The following SYNE1 variants were observed in gnomAD, a reference collection of about 807,000 sequenced individuals.
SYNE1 encodes the protein nesprin-1.
Under a neutral mutation model 1,111.0 loss-of-function variants are expected in SYNE1, and 616 were observed. The observed-to-expected ratio is 0.55, with a 90% CI of 0.52 to 0.59. The LOEUF is 0.59. Among genes scored for constraint, SYNE1 ranks in the 20% least tolerant of loss-of-function variants. The probability of loss-of-function intolerance (pLI) is 0.00; values close to 1 mark genes in which losing one functional copy is unlikely to be tolerated. For missense variants in SYNE1, 10,006 were observed against 10,417.0 expected (o/e 0.96, Z 1.72); for synonymous variants, 3,855 against 3,825.8 (o/e 1.01, Z -0.28).
intron 7 of SYNE1, 60 bp downstream of exon 7, chr6:152,510,951 G>A: frequency 2.8e-6 from 4 of 1,447,644 alleles, no homozygotes; most frequent in Non-Finnish European, 2.9e-6. Context: ...TATTAAAATG[G>A]CCACCATGAT....
intron 63 of SYNE1, 61 bp from the exon 64 acceptor site, chr6:152,362,384 C>A: frequency 6.2e-7 from 1 of 1,607,858 alleles, no homozygotes; most frequent in South Asian, 1.1e-5. Flanking sequence ...TCTAAAATGT[C>A]ATTGTGTCTG....
chr6:152,238,973 A>G (rs931903255), intron 108 of SYNE1, among the ~76,000 whole-genome samples: 2 of 150,350 alleles, frequency 1.3e-5, no homozygotes, highest in Admixed American at 1.3e-4. Context: ...ACCTTGGCTC[A>G]CTGCAACCAC....
chr6:152,179,673 C>CA (rs2067401195), intron 129 of SYNE1, among the ~76,000 whole-genome samples: 3 of 55,104 alleles, frequency 5.4e-5, no homozygotes, highest in Non-Finnish European at 9.4e-5. Context: ...GCTGGATATC[C>CA]TTTTTTTTTT....
intron 8 of SYNE1, 130 bp from the exon 9 acceptor site, chr6:152,505,527 G>A: frequency 1.9e-6 from 2 of 1,065,554 alleles, no homozygotes; most frequent in Admixed American, 5.1e-5. Flanking sequence ...CATTGTATTT[G>A]AGAAAAATTA....
intron 49 of SYNE1, among the ~76,000 whole-genome samples, chr6:152,397,338 C>G (rs1304936384): frequency 1.3e-5 from 2 of 152,244 alleles, no homozygotes; most frequent in Non-Finnish European, 2.9e-5. Flanking sequence ...AGCCCCTCCC[C>G]TGATCCACCC....
In SYNE1 at chr6:152,180,064, C is replaced by A. The variant is rs1464555693; in HGVS notation, c.23460+72G>T. The A allele has an allele frequency of 2.0e-6, 3 of 1,522,284 alleles. No individual in the cohort carries two copies. In the East Asian group the frequency reaches 6.8e-5, roughly 34 times the overall value. 94.3% of individuals were successfully genotyped at this position (1,522,284 alleles called of 1,614,324 possible). A position where few individuals can be genotyped will look rare whatever the true frequency, so the allele number is the denominator to read the frequency against. On this transcript the variant is annotated intron_variant, in intron 129 of 145. Coordinates refer to ENST00000367255, the MANE Select transcript of SYNE1 (RefSeq NM_182961.4). ...AGGAAAGTAATTGTGAGTAAAGCCA[C>A]CTTCTGTACCTGTGAAAAGTACACA...
intron 2 of SYNE1, among the ~76,000 whole-genome samples, chr6:152,630,880 A>G (rs2099696764): frequency 6.6e-6 from 1 of 152,226 alleles, no homozygotes; most frequent in African/African-American, 2.4e-5. Context: ...TTGGTAGATT[A>G]ATCTGAAATA....
At chr6:152,214,803 A>C in intron 122 of SYNE1, 103 bp downstream of exon 122, 1 of 1,492,682 alleles carries the variant, frequency 6.7e-7, no homozygotes, top group Non-Finnish European at 9.3e-7. Context: ...ACTGTTCAAC[A>C]TTTCTGTTCT....
chr6:152,599,272 T>C (rs563486139), intron 3 of SYNE1, among the ~76,000 whole-genome samples: 1 of 152,332 alleles, frequency 6.6e-6, no homozygotes, highest in Non-Finnish European at 1.5e-5. Flanking sequence ...GCTGCTCTAG[T>C]AAGTGCTTGG....
At chr6:152,405,215 C>T (rs557000813) in intron 45 of SYNE1, among the ~76,000 whole-genome samples, 1 of 152,334 alleles carries the variant, frequency 6.6e-6, no homozygotes, top group South Asian at 2.1e-4. Context: ...CAGTGGGTAA[C>T]ATAAAGAACC....
Position 152,387,265 on chromosome 6 carries a change from C to T in SYNE1, c.8294G>A (p.Gly2765Asp), listed in dbSNP as rs2097538644. Residue 2765 changes from glycine (G) to aspartate (D), a missense_variant, in exon 54 of 146, where the codon GGT (glycine) becomes GAT (aspartate). Gly to Asp is a moderately conservative substitution (Grantham distance 94). This residue lies in a region of SYNE1 where 4,955 missense variants were observed against 5,017.2 expected (regional missense o/e 0.99). Coordinates refer to ENST00000367255, the MANE Select transcript of SYNE1 (RefSeq NM_182961.4). Reference protein sequence around the residue: ...KIEHPLQPQPGLKEKFVLLDH... With the variant: ...KIEHPLQPQPDLKEKFVLLDH... ...AAGCAGGACGAACTTCTCTTTCAGACCTGGCTGTGGTTGTAAGGGATGTTC... is the reference window on the plus strand; with the variant it reads ...AAGCAGGACGAACTTCTCTTTCAGATCTGGCTGTGGTTGTAAGGGATGTTC... 3.1e-6 allele frequency: 5 copies of T among 1,614,196 alleles called. No homozygotes were observed. The East Asian group carries it at 8.9e-5, about 29-fold the overall frequency.
intron 56 of SYNE1, among the ~76,000 whole-genome samples, chr6:152,377,569 A>G (rs1401528757): frequency 9.0e-5 from 12 of 133,410 alleles, no homozygotes; most frequent in Non-Finnish European, 1.4e-4. Context: ...AGATCGTGCC[A>G]TTGCACTCCA....
chr6:152,487,116 T>C (rs377463021), intron 12 of SYNE1, among the ~76,000 whole-genome samples: 53 of 152,338 alleles, frequency 3.5e-4, no homozygotes, highest in African/African-American at 1.1e-3. Context: ...TAGGTAATCA[T>C]GTGCCATGGT....
At position 152,254,982 on chromosome 6, in the gene SYNE1, A is replaced by G. The variant is rs1562537468; in HGVS notation, c.19368T>C (p.Asp6456=). 6.2e-7 allele frequency: 1 copy of G among 1,614,034 alleles called. No homozygotes were observed. Among genetic ancestry groups the G allele is most frequent in the East Asian group, 2.2e-5 (1 of 44,828 alleles). Reference sequence around the variant, plus strand: ...ACCTGCCCAAAAGACAACCCAAAGTATCTTCAATAACATCTCGATTATCAC... The same window carrying G: ...ACCTGCCCAAAAGACAACCCAAAGTGTCTTCAATAACATCTCGATTATCAC... ...ENGDNRDVIE[D]TLGCLLGRLS... is the part of the protein sequence containing the mutation. Residue 6456 remains aspartate, a synonymous_variant, in exon 104 of 146, where the codon GAT becomes GAC. Transcript: ENST00000367255.
chr6:152,317,228 TTTTTTC>T (rs1461534297), intron 86 of SYNE1, among the ~76,000 whole-genome samples: 108 of 139,244 alleles, frequency 7.8e-4, no homozygotes, highest in East Asian at 2.5e-3. Context: ...TTCTTTTTTC[TTTTTTC>T]TTTTTTTTTT....
Position 152,300,775 on chromosome 6 carries a change from C to A in SYNE1, c.17548G>T (p.Ala5850Ser), listed in dbSNP as rs2095126021. The change falls in exon 93 of 146, where the codon GCA (alanine) becomes TCA (serine). Residue 5850 changes from alanine (A) to serine (S), a missense_variant. Coordinates refer to ENST00000367255, the MANE Select transcript of SYNE1 (RefSeq NM_182961.4). Reference protein sequence around the residue: ...SAHPSVVMMTAGRCHTLLSPV... With the variant: ...SAHPSVVMMTSGRCHTLLSPV... ...GACAGCAAAGTGTGACAGCGACCTG[C>A]AGTCATCTGCCACGTAAAATGTAGC... The A allele has an allele frequency of 3.1e-6, 5 of 1,614,214 alleles. No individual in the cohort carries two copies. The South Asian group carries it at 5.5e-5, about 18-fold the overall frequency.
At position 152,396,998 on chromosome 6, in the gene SYNE1, G is replaced by A. The variant is rs2097741864; in HGVS notation, c.7351-18C>T. 1 of 1,612,446 alleles carries A rather than the reference G, an allele frequency of 6.2e-7. No individual in the cohort carries two copies. ...AAAATGTTCTGTTTCAGGAAATAAA[G>A]GTAATAGGTCCATGGGACTATGCAT... On this transcript the variant is annotated intron_variant, in intron 49 of 145. Transcript: ENST00000367255.
chr6:152,148,008 T>C lies in SYNE1; in HGVS notation c.24976+37A>G. Reference sequence around the variant, plus strand: ...GGGCAATATTAATTCCCTCTGACTTTCCTTTAAGCTGGCAAACTGGAGAGG... The same window carrying C: ...GGGCAATATTAATTCCCTCTGACTTCCCTTTAAGCTGGCAAACTGGAGAGG... On this transcript the variant is annotated intron_variant, in intron 137 of 145. Transcript: ENST00000367255. This position sits in a 1 kb window ranked among gnomAD's most constrained non-coding sequence, Gnocchi z 4.1. 1 of 1,573,082 alleles carries C rather than the reference T, an allele frequency of 6.4e-7. No homozygotes were observed. Among genetic ancestry groups the C allele is most frequent in the Non-Finnish European group, 8.7e-7 (1 of 1,145,560 alleles).
At position 152,316,920 on chromosome 6, in the gene SYNE1, T is replaced by C; in HGVS notation, c.16639A>G (p.Lys5547Glu). ...ELILKWIEKA[K>E]VLAHGTIAWN... is the part of the protein sequence containing the mutation. ...GCAATAGTTCCATGAGCCAAGACTT[T>C]AGCTTTTTCAATCCACTTCAAAATT... The change falls in exon 87 of 146, where the codon AAA (lysine) becomes GAA (glutamate). Residue 5547 changes from lysine (K) to glutamate (E), a missense_variant. Around this residue, in one of 7 missense-constraint regions of SYNE1, gnomAD observed 4,955 missense variants for 5,017.2 expected, o/e 0.99. Transcript: ENST00000367255. The C allele has an allele frequency of 1.2e-6, 2 of 1,614,176 alleles. No homozygotes were observed. The highest frequency in any genetic ancestry group is 1.7e-6 in the Non-Finnish European group (2 of 1,180,018).
Sources: allele counts gnomAD v4.1 joint callset (sites outside exome capture counted in the v4.1 genomes callset), GRCh38; gene constraint gnomAD v4.1.1; regional missense constraint gnomAD v4.1.1; non-coding constraint Gnocchi (gnomAD v3.1); transcripts MANE v1.5; gene names NCBI Gene and HGNC (gene_info 2026-07-23, HGNC 2026-07-21).